Variants in TTC4 observed in about 807,000 individuals in gnomAD.
The protein encoded by TTC4 is hsp70/Hsp90 co-chaperone CNS1 homolog.
Under a neutral mutation model 51.9 loss-of-function variants are expected in TTC4, and 36 were observed. The observed-to-expected ratio is 0.69, with a 90% CI of 0.53 to 0.92. The LOEUF (loss-of-function observed/expected upper bound fraction) is 0.92, where lower values mean the gene tolerates loss of function less well. Ranked by LOEUF, TTC4 falls within the 40% of genes least tolerant of loss-of-function variation. The probability of loss-of-function intolerance (pLI) is 0.00; values close to 1 mark genes in which losing one functional copy is unlikely to be tolerated. For missense variants in TTC4, 399 were observed against 454.6 expected (o/e 0.88, Z 1.11); for synonymous variants, 144 against 164.2 (o/e 0.88, Z 0.94).
intron 3 of TTC4, among the ~76,000 whole-genome samples, chr1:54,718,441 G>A (rs1010190884): frequency 2.0e-5 from 3 of 152,026 alleles, no homozygotes; most frequent in African/African-American, 7.3e-5. Context: ...TAGAGACAGG[G>A]TTTTGCCATG....
At chr1:54,733,744 T>G in intron 8 of TTC4, 34 bp downstream of exon 8, 1 of 1,220,240 alleles carries the variant, frequency 8.2e-7, no homozygotes, top group Non-Finnish European at 1.1e-6. Context: ...CTCTATGGAA[T>G]TAATTTTTTT....
intron 5 of TTC4, among the ~76,000 whole-genome samples, chr1:54,727,707 A>G (rs1570047158): frequency 6.6e-6 from 1 of 151,518 alleles, no homozygotes; most frequent in African/African-American, 2.4e-5. Flanking sequence ...AAAAAAAAAA[A>G]AAAGTGAAAA....
intron 2 of TTC4, among the ~76,000 whole-genome samples, chr1:54,717,116 A>T (rs1240811003): frequency 6.6e-6 from 1 of 152,136 alleles, no homozygotes; most frequent in Admixed American, 6.6e-5. Context: ...TGAGGAGGGG[A>T]ATTTGCACTC....
intron 9 of TTC4, among the ~76,000 whole-genome samples, chr1:54,740,324 G>C (rs959704346): frequency 1.3e-5 from 2 of 152,158 alleles, no homozygotes; most frequent in African/African-American, 4.8e-5. Context: ...GGGGTGTCCA[G>C]CTAGTCTTAA....
intron 5 of TTC4, 146 bp downstream of exon 5, chr1:54,722,945 C>A: frequency 1.9e-6 from 2 of 1,076,314 alleles, no homozygotes; most frequent in Non-Finnish European, 2.6e-6. Context: ...AGCACACAGA[C>A]AAGTAAACAG....
Position 54,721,366 on chromosome 1 carries a change from C to T in TTC4, c.469+126C>T, listed in dbSNP as rs146574089. ...CCTGTTCCTTATCAACAGCAACATG[C>T]CACTTTTAAAAGAATTCCTCAGAGA... On this transcript the variant is annotated intron_variant, in intron 4 of 9. Transcript: ENST00000371281. 3.5e-4 allele frequency: 268 copies of T among 758,234 alleles called. 2 individuals carry two copies. The African/African-American group carries it at 4.0e-3, about 11-fold the overall frequency. The allele number at this position is 758,234 out of a possible 1,614,324, so 47.0% of individuals were successfully genotyped here. A position where few individuals can be genotyped will look rare whatever the true frequency, so the allele number is the denominator to read the frequency against.
chr1:54,740,624 C>A (rs12090784), intron 9 of TTC4, among the ~76,000 whole-genome samples: 9 of 152,120 alleles, frequency 5.9e-5, no homozygotes. Flanking sequence ...AAAATTATTA[C>A]CATAGGCAAG....
intron 8 of TTC4, among the ~76,000 whole-genome samples, chr1:54,734,071 CT>C (rs879553610): frequency 1.3e-5 from 2 of 149,788 alleles, no homozygotes; most frequent in African/African-American, 2.4e-5. Context: ...TCAGAATTTC[CT>C]TTTTTTTTTA....
chr1:54,721,544 A>G (rs909476951), intron 4 of TTC4, among the ~76,000 whole-genome samples: 2 of 152,214 alleles, frequency 1.3e-5, no homozygotes, highest in African/African-American at 4.8e-5. Flanking sequence ...AAGGTCTTCA[A>G]ATGCCATGTT....
At chr1:54,727,688 C>CAA (rs200521894) in intron 5 of TTC4, among the ~76,000 whole-genome samples, 346 of 42,908 alleles carry the variant, frequency 8.1e-3, no homozygotes, top group Middle Eastern at 0.017. Context: ...CTCATCTCTA[C>CAA]AAAAAAAAAA....
At chr1:54,723,776 C>G (rs1245539316) in intron 5 of TTC4, among the ~76,000 whole-genome samples, 2 of 152,186 alleles carry the variant, frequency 1.3e-5, no homozygotes, top group African/African-American at 4.8e-5. Context: ...CACAGTAGTG[C>G]TATTTAAATG....
chr1:54,735,432 GCTGGTCTCAAACTC>G (rs972697043), intron 8 of TTC4, among the ~76,000 whole-genome samples: 1 of 152,130 alleles, frequency 6.6e-6, no homozygotes, highest in African/African-American at 2.4e-5. Context: ...TGTTGGCCAG[GCTGGTCTCAAACTC>G]CTGACCTCAA....
At chr1:54,731,091 G>A (rs1447042381) in intron 6 of TTC4, among the ~76,000 whole-genome samples, 1 of 152,202 alleles carries the variant, frequency 6.6e-6, no homozygotes, top group Non-Finnish European at 1.5e-5. Flanking sequence ...CTGTGACACA[G>A]GGTCCAGCAC....
rs1349262025 is a variant in TTC4 at position 54,741,459 on chromosome 1, C to G, written c.1110C>G (p.Ser370=). The part of the protein sequence containing the change: ...LTPAFLVCVG[S]SPFCKNFLRG... ...CAGCATTTTTGGTCTGTGTAGGATC[C>G]TCTCCTTTTTGCAAGAATTTTCTCC... is the stretch of plus-strand genomic sequence containing the variant. The change falls in exon 10 of 10, where the codon TCC becomes TCG. Residue 370 remains serine, a synonymous_variant. Coordinates refer to ENST00000371281, the MANE Select transcript of TTC4 (RefSeq NM_004623.5). 6.2e-7 allele frequency: 1 copy of G among 1,614,124 alleles called. No individual in the cohort carries two copies. The highest frequency in any genetic ancestry group is 1.7e-5 in the Admixed American group (1 of 60,020).
At chr1:54,738,915 G>A (rs909997408) in intron 9 of TTC4, among the ~76,000 whole-genome samples, 1 of 151,702 alleles carries the variant, frequency 6.6e-6, no homozygotes, top group African/African-American at 2.4e-5. Flanking sequence ...CACTCACCTC[G>A]GTCTTCCAAA....
chr1:54,717,489 C>A lies in TTC4; in HGVS notation c.230-3C>A, dbSNP rs1218470470. ...TAGTGATTATTTTTCCTCTTCTTTG[C>A]AGAACAGGCCAAGACCTATAAAGAT... is the stretch of plus-strand genomic sequence containing the variant. On this transcript the variant is annotated splice_region_variant and splice_polypyrimidine_tract_variant and intron_variant, in intron 2 of 9. Coordinates refer to ENST00000371281, the MANE Select transcript of TTC4 (RefSeq NM_004623.5). 1.3e-6 allele frequency: 2 copies of A among 1,521,234 alleles called. No homozygotes were observed. The highest frequency in any genetic ancestry group is 4.7e-5 in the East Asian group (2 of 42,708). 94.2% of individuals were successfully genotyped at this position (1,521,234 alleles called of 1,614,324 possible). A position where few individuals can be genotyped will look rare whatever the true frequency, so the allele number is the denominator to read the frequency against.
rs139295868 is a variant in TTC4, at chr1:54,735,338, C to G, written c.978+1628C>G. ...GGTCCAAGCGATTCTCCTGCCTCAG[C>G]CTCCTGAGTAGCTGGGATTACAGCT... On this transcript the variant is annotated intron_variant, in intron 8 of 9. Coordinates refer to ENST00000371281, the MANE Select transcript of TTC4 (RefSeq NM_004623.5). Among the ~76,000 whole-genome samples, 1,220 of 152,190 alleles carry G rather than the reference C, an allele frequency of 8.0e-3. 20 individuals carry two copies. Among genetic ancestry groups the G allele is most frequent in the African/African-American group, 0.028 (1,173 of 41,500 alleles).
intron 5 of TTC4, among the ~76,000 whole-genome samples, chr1:54,723,466 G>A (rs773786440): frequency 1.3e-5 from 2 of 152,166 alleles, no homozygotes; most frequent in Non-Finnish European, 2.9e-5. Context: ...CGTAGTATAA[G>A]CCATGAAGAG....
Position 54,742,103 on chromosome 1 carries a change from AG to A in TTC4, c.*591del, listed in dbSNP as rs1646018464. On this transcript the variant is annotated 3_prime_UTR_variant, in exon 10 of 10. Coordinates refer to ENST00000371281, the MANE Select transcript of TTC4 (RefSeq NM_004623.5). ...ACTCAGATCCTTGGTACCCCTAAAA[AG>A]ATTGCCAATTTTCTTCATCTTTGCC... is the stretch of plus-strand genomic sequence containing the variant. 6.6e-6 allele frequency: 1 copy of A among 152,392 alleles called. No individual in the cohort carries two copies. Among genetic ancestry groups the A allele is most frequent in the African/African-American group, 2.4e-5 (1 of 41,446 alleles). 9.4% of individuals were successfully genotyped at this position (152,392 alleles called of 1,614,324 possible).
Sources: allele counts gnomAD v4.1 joint callset (sites outside exome capture counted in the v4.1 genomes callset), GRCh38; gene constraint gnomAD v4.1.1; transcripts MANE v1.5; gene names NCBI Gene and HGNC (gene_info 2026-07-23, HGNC 2026-07-21).